The following LRP1B variants were observed in gnomAD, a reference collection of about 807,000 sequenced individuals.
The protein encoded by LRP1B is LDL receptor related protein 1B.
Under a neutral mutation model 556.6 loss-of-function variants are expected in LRP1B, and 217 were observed. The observed-to-expected ratio is 0.39, with a 90% CI of 0.35 to 0.44. The LOEUF is 0.44. Among genes scored for constraint, LRP1B ranks in the 20% least tolerant of loss-of-function variants. LRP1B has a pLI of 1.00. For missense variants in LRP1B, 5,053 were observed against 5,620.8 expected (o/e 0.90, Z 3.23); for synonymous variants, 2,047 against 1,865.8 (o/e 1.10, Z -2.50).
At position 140,514,709 on chromosome 2, in the gene LRP1B, A is replaced by G; in HGVS notation, c.8213T>C (p.Ile2738Thr). Residue 2738 changes from isoleucine (I) to threonine (T), a missense_variant, in exon 51 of 91, where the codon ATT (isoleucine) becomes ACT (threonine). Coordinates refer to ENST00000389484, the MANE Select transcript of LRP1B (RefSeq NM_018557.3). ...CCCACAGTCATCTTCTCCATCACAA[A>G]TCCAATGCTTAGAAATACATTTTTG... ...SAQKCISKHW[I>T]CDGEDDCGDG... is the part of the protein sequence containing the mutation. 1 of 1,612,860 alleles carries G rather than the reference A, an allele frequency of 6.2e-7. No individual in the cohort carries two copies. The highest frequency in any genetic ancestry group is 8.5e-7 in the Non-Finnish European group (1 of 1,179,124).
chr2:141,293,574 T>C (rs572641560), intron 3 of LRP1B, among the ~76,000 whole-genome samples: 6 of 152,132 alleles, frequency 3.9e-5, no homozygotes, highest in Middle Eastern at 3.4e-3. Context: ...TGAAAAAGTA[T>C]CATGGCAACC....
At position 142,046,432 on chromosome 2, in the gene LRP1B, T is replaced by C. The variant is rs553584995; in HGVS notation, c.82+84216A>G. The stretch of plus-strand genomic sequence containing the variant: ...TGGTATGCACTGGCAGCTAACAGAA[T>C]CCACTGAGCTTTTTTTTGTCAGGGG... On this transcript the variant is annotated intron_variant, in intron 1 of 90. Coordinates refer to ENST00000389484, the MANE Select transcript of LRP1B (RefSeq NM_018557.3). Among the ~76,000 whole-genome samples, 12 of 152,062 alleles carry C rather than the reference T, an allele frequency of 7.9e-5. No individual in the cohort carries two copies. In the South Asian group the frequency reaches 2.5e-3, roughly 32 times the overall value.
intron 7 of LRP1B, among the ~76,000 whole-genome samples, chr2:141,166,332 T>C (rs1208595219): frequency 6.6e-6 from 1 of 151,512 alleles, no homozygotes; most frequent in Non-Finnish European, 1.5e-5. Context: ...CTCTTCTCAG[T>C]GAGGCTTTTT....
chr2:141,527,103 CTGTTT>C (rs909325318), intron 2 of LRP1B, among the ~76,000 whole-genome samples: 13 of 151,922 alleles, frequency 8.6e-5, no homozygotes, highest in Admixed American at 6.6e-5. Context: ...CTTTTTATTT[CTGTTT>C]TGTTTTGTTT....
chr2:141,035,332 G>A (rs1393033993), intron 11 of LRP1B, among the ~76,000 whole-genome samples: 2 of 150,218 alleles, frequency 1.3e-5, no homozygotes, highest in Admixed American at 6.7e-5. Context: ...TTGTGCACAT[G>A]TACCCTAAAA....
intron 41 of LRP1B, among the ~76,000 whole-genome samples, chr2:140,627,931 T>G (rs1390982563): frequency 6.6e-6 from 1 of 152,204 alleles, no homozygotes; most frequent in Non-Finnish European, 1.5e-5. Flanking sequence ...GCCTGAAGTC[T>G]GAAGTCTAAA....
intron 7 of LRP1B, among the ~76,000 whole-genome samples, chr2:141,160,808 A>G (rs11901068): frequency 0.027 from 4,075 of 151,536 alleles, 177 homozygotes; most frequent in African/African-American, 0.093. Flanking sequence ...GGTAATGGAC[A>G]TGTTCAATAT....
chr2:140,999,998 C>T (rs1050455027), intron 15 of LRP1B, among the ~76,000 whole-genome samples: 1 of 151,960 alleles, frequency 6.6e-6, no homozygotes, highest in Non-Finnish European at 1.5e-5. Flanking sequence ...TCACTGCAGC[C>T]TCAACCTCCT....
At chr2:141,837,562 C>A (rs1697328440) in intron 1 of LRP1B, among the ~76,000 whole-genome samples, 1 of 152,002 alleles carries the variant, frequency 6.6e-6, no homozygotes, top group Non-Finnish European at 1.5e-5. Flanking sequence ...TTACATTTCA[C>A]CCATATATTC....
chr2:140,269,331 C>T (rs1450136576), intron 86 of LRP1B: 4 of 470,996 alleles, frequency 8.5e-6, no homozygotes, highest in Non-Finnish European at 1.8e-5. Context: ...GTAGTGATCA[C>T]AAGGGTTCTC....
chr2:141,398,948 C>A (rs1159927206), intron 3 of LRP1B, among the ~76,000 whole-genome samples: 1 of 152,120 alleles, frequency 6.6e-6, no homozygotes, highest in African/African-American at 2.4e-5. Flanking sequence ...CTATAGTTCA[C>A]CTTTTGATGT....
chr2:141,587,689 G>A (rs1023433365), intron 2 of LRP1B, among the ~76,000 whole-genome samples: 9 of 151,910 alleles, frequency 5.9e-5, no homozygotes, highest in Non-Finnish European at 1.0e-4. Context: ...GAAATTATTG[G>A]AATTTAAAAA....
chr2:142,007,057 A>T (rs1574586420), intron 1 of LRP1B, among the ~76,000 whole-genome samples: 2 of 152,250 alleles, frequency 1.3e-5, no homozygotes, highest in Non-Finnish European at 1.5e-5. Flanking sequence ...GGTTTAGACC[A>T]TCCCGACAAA....
At chr2:140,251,085 T>C (rs761970345) in intron 86 of LRP1B, among the ~76,000 whole-genome samples, 8 of 151,784 alleles carry the variant, frequency 5.3e-5, no homozygotes, top group Non-Finnish European at 1.0e-4. Context: ...AGTTATTGTA[T>C]AGCTATAATG....
At chr2:141,620,961 G>A (rs199741268) in intron 2 of LRP1B, among the ~76,000 whole-genome samples, 1 of 140,318 alleles carries the variant, frequency 7.1e-6, no homozygotes, top group South Asian at 2.3e-4. Flanking sequence ...AAAAAAAAAA[G>A]GTATATTTCT....
At chr2:141,739,411 G>T (rs1391574303) in intron 2 of LRP1B, among the ~76,000 whole-genome samples, 2 of 152,000 alleles carry the variant, frequency 1.3e-5, no homozygotes, top group Non-Finnish European at 2.9e-5. Flanking sequence ...GAAAAATGGG[G>T]ATTCGTGATC....
At chr2:141,020,782 A>C (rs1698042327) in intron 11 of LRP1B, among the ~76,000 whole-genome samples, 1 of 152,022 alleles carries the variant, frequency 6.6e-6, no homozygotes, top group Non-Finnish European at 1.5e-5. Context: ...CTTGGAGTTC[A>C]CCTAATTCAA....
chr2:140,519,855 G>GA (rs1160117727), intron 49 of LRP1B, among the ~76,000 whole-genome samples: 3 of 152,074 alleles, frequency 2.0e-5, no homozygotes, highest in East Asian at 1.9e-4. Context: ...ACAGACACAT[G>GA]AAAAAAATGC....
At chr2:141,121,305 G>A (rs909632902) in intron 7 of LRP1B, among the ~76,000 whole-genome samples, 2 of 151,990 alleles carry the variant, frequency 1.3e-5, no homozygotes, top group Admixed American at 6.6e-5. Context: ...TATGTATGAG[G>A]ATTTTATAAC....
Sources: allele counts gnomAD v4.1 joint callset (sites outside exome capture counted in the v4.1 genomes callset), GRCh38; gene constraint gnomAD v4.1.1; transcripts MANE v1.5; gene names NCBI Gene and HGNC (gene_info 2026-07-23, HGNC 2026-07-21).